Variants in TFCP2L1 observed in about 807,000 individuals in gnomAD.
The protein encoded by TFCP2L1 is transcription factor CP2 like 1.
TFCP2L1 carries 12 observed loss-of-function variants against 72.2 expected under a neutral mutation model. The ratio of observed to expected loss-of-function variants is 0.17; its 90% CI spans 0.11 to 0.27. The LOEUF (loss-of-function observed/expected upper bound fraction) is 0.27, where lower values mean the gene tolerates loss of function less well. Among genes scored for constraint, TFCP2L1 ranks in the 10% least tolerant of loss-of-function variants. The pLI is 1.00. For synonymous variants in TFCP2L1, 260 were observed against 251.0 expected, an observed-to-expected ratio of 1.04 and a Z score of -0.34; for missense variants, 488 against 624.6, an observed-to-expected ratio of 0.78 and a Z score of 2.33.
chr2:121,232,015 C>CA (rs1408863840), intron 12 of TFCP2L1, 47 bp from the exon 13 acceptor site: 2 of 1,534,992 alleles, frequency 1.3e-6, no homozygotes, highest in African/African-American at 2.7e-5. Context: ...GCCATTCTGT[C>CA]AGTGTGAGCC....
chr2:121,262,615 T>C (rs1329297251), intron 2 of TFCP2L1, among the ~76,000 whole-genome samples: 2 of 152,168 alleles, frequency 1.3e-5, no homozygotes, highest in Non-Finnish European at 2.9e-5. Flanking sequence ...CAACGGACAG[T>C]AGTGGGAGAA....
Position 121,236,977 on chromosome 2 carries a change from G to A in TFCP2L1, c.1003+646C>T, listed in dbSNP as rs1002573743. On this transcript the variant is annotated intron_variant, in intron 10 of 14. Transcript: ENST00000263707. ...CCCCCAACAGGCTCTCAGCAATGCC[G>A]AGCTGAGGATGTGCGGGCGTCGTTT... is the stretch of plus-strand genomic sequence containing the variant. 7.9e-5 allele frequency among the ~76,000 whole-genome samples: 12 copies of A among 152,330 alleles called. No individual in the cohort carries two copies. The East Asian group carries it at 1.7e-3, about 22-fold the overall frequency.
At chr2:121,251,599 G>A (rs1205037272) in intron 2 of TFCP2L1, among the ~76,000 whole-genome samples, 1 of 152,196 alleles carries the variant, frequency 6.6e-6, no homozygotes, top group African/African-American at 2.4e-5. Flanking sequence ...ATAACTTCAA[G>A]AGATCTATTG....
chr2:121,248,954 C>A, intron 4 of TFCP2L1, 28 bp downstream of exon 4: 1 of 1,535,556 alleles, frequency 6.5e-7, no homozygotes, highest in Non-Finnish European at 8.8e-7. Context: ...TCGAGCCTTG[C>A]CTGGCCTCTC....
At chr2:121,275,445 A>G (rs1344833861) in intron 2 of TFCP2L1, among the ~76,000 whole-genome samples, 1 of 148,254 alleles carries the variant, frequency 6.7e-6, no homozygotes, top group East Asian at 2.0e-4. Context: ...TTACATGTTT[A>G]GGATACTTTT....
intron 7 of TFCP2L1, chr2:121,240,343 G>A (rs757284167): frequency 3.0e-6 from 3 of 985,412 alleles, no homozygotes; most frequent in Non-Finnish European, 3.6e-6. Context: ...GGTTTTGTCT[G>A]CTGGAGAAAG....
chr2:121,261,707 G>A (rs1178923649), intron 2 of TFCP2L1, among the ~76,000 whole-genome samples: 3 of 152,162 alleles, frequency 2.0e-5, no homozygotes, highest in African/African-American at 7.2e-5. Flanking sequence ...AACAACGGAT[G>A]CTAAAATAAG....
intron 8 of TFCP2L1, 29 bp downstream of exon 8, chr2:121,239,529 G>A (rs976146638): frequency 6.2e-7 from 1 of 1,610,888 alleles, no homozygotes; most frequent in African/African-American, 1.3e-5. Flanking sequence ...TCATTTCAGG[G>A]AACCCGAAGA....
At chr2:121,235,147 T>C in intron 11 of TFCP2L1, 74 bp downstream of exon 11, 2 of 1,523,766 alleles carry the variant, frequency 1.3e-6, no homozygotes, top group Non-Finnish European at 1.8e-6. Flanking sequence ...TCCAAAAGGC[T>C]GAGGTAGGGG....
chr2:121,282,441 G>A (rs1442393885), intron 1 of TFCP2L1, among the ~76,000 whole-genome samples: 1 of 151,234 alleles, frequency 6.6e-6, no homozygotes, highest in Non-Finnish European at 1.5e-5. Context: ...AGTACTTTGG[G>A]AGGCTGAGGT....
chr2:121,251,918 T>C (rs568062665), intron 2 of TFCP2L1, among the ~76,000 whole-genome samples: 3 of 152,360 alleles, frequency 2.0e-5, no homozygotes, highest in African/African-American at 7.2e-5. Flanking sequence ...CATCTGGCTA[T>C]ATAAAATTTA....
At chr2:121,227,461 C>T (rs1249197224) in intron 13 of TFCP2L1, among the ~76,000 whole-genome samples, 1 of 152,162 alleles carries the variant, frequency 6.6e-6, no homozygotes, top group African/African-American at 2.4e-5. Context: ...GCAGGTGGAT[C>T]ACCTGAGGTC....
At chr2:121,247,706 C>G (rs533534039) in intron 5 of TFCP2L1, among the ~76,000 whole-genome samples, 1 of 152,232 alleles carries the variant, frequency 6.6e-6, no homozygotes, top group South Asian at 2.1e-4. Flanking sequence ...CAAGGACACA[C>G]AGCAAGCGAG....
At chr2:121,232,330 G>T (rs1188727092) in intron 12 of TFCP2L1, among the ~76,000 whole-genome samples, 3 of 152,004 alleles carry the variant, frequency 2.0e-5, no homozygotes, top group African/African-American at 7.2e-5. Context: ...GTAGAAATGG[G>T]GTTTCACCAT....
intron 7 of TFCP2L1, among the ~76,000 whole-genome samples, chr2:121,241,848 G>A (rs1686375110): frequency 1.3e-5 from 2 of 152,092 alleles, no homozygotes; most frequent in African/African-American, 2.4e-5. Flanking sequence ...ACCAAGATAA[G>A]CTAATAATGG....
chr2:121,252,100 A>C (rs1304060609), intron 2 of TFCP2L1, among the ~76,000 whole-genome samples: 1 of 152,196 alleles, frequency 6.6e-6, no homozygotes, highest in Non-Finnish European at 1.5e-5. Flanking sequence ...CCCAGGTTAG[A>C]GTGCAGTGGC....
intron 2 of TFCP2L1, among the ~76,000 whole-genome samples, chr2:121,273,391 T>C (rs1331086481): frequency 6.6e-6 from 1 of 152,216 alleles, no homozygotes; most frequent in Non-Finnish European, 1.5e-5. Flanking sequence ...ACAATGACCT[T>C]TGGCCACTGA....
Position 121,249,614 on chromosome 2 carries a change from C to A in TFCP2L1, c.248G>T (p.Arg83Leu). The A allele has an allele frequency of 6.2e-7, 1 of 1,614,244 alleles. No individual in the cohort carries two copies. Residue 83 changes from arginine to leucine, a missense_variant, in exon 3 of 15, where the codon CGG becomes CTG. This residue lies in a region of TFCP2L1 where 129 missense variants were observed against 236.0 expected (regional missense o/e 0.55). Transcript: ENST00000263707. The stretch of plus-strand genomic sequence containing the variant: ...CAGATCTTGAAAGTCTCCCAGCTTC[C>A]GATTCTCCAGTAGTCGGATTTCATA... ...QSYEIRLLEN[R>L]KLGDFQDLNT...
At position 121,269,918 on chromosome 2, in the gene TFCP2L1, A is replaced by AATAT. The variant is rs10531350; in HGVS notation, c.214+11198_214+11201dup. On this transcript the variant is annotated intron_variant, in intron 2 of 14. Coordinates refer to ENST00000263707, the MANE Select transcript of TFCP2L1 (RefSeq NM_014553.3). ...AGCAAGACTCCATCTAAAAAAAAAA[A>AATAT]ATATATATATATATATATGCAAAAG... 2.9e-3 allele frequency among the ~76,000 whole-genome samples: 334 copies of AATAT among 114,008 alleles called. 2 individuals carry two copies. The highest frequency in any genetic ancestry group is 6.9e-3 in the South Asian group (22 of 3,188). 74.8% of individuals were successfully genotyped at this position (114,008 alleles called of 152,430 possible).
Sources: gnomAD v4.1 joint callset for allele counts (sites outside exome capture counted in the v4.1 genomes callset) on GRCh38, gnomAD v4.1.1 for gene constraint, gnomAD v4.1.1 regional missense constraint, MANE v1.5 for transcripts, NCBI Gene and HGNC (gene_info 2026-07-23, HGNC 2026-07-21) for gene names.